HSPA12A: variants seen among roughly 807,000 people sequenced by gnomAD.
HSPA12A encodes the protein heat shock 70 kDa protein 12A.
A neutral mutation model predicts 69.2 loss-of-function variants in HSPA12A; 28 were observed. That is an observed-to-expected ratio of 0.40 (90% CI 0.30 to 0.55). The LOEUF is 0.55. Among genes scored for constraint, HSPA12A ranks in the 20% least tolerant of loss-of-function variants. HSPA12A has a pLI of 0.38. For synonymous variants in HSPA12A, 345 were observed against 370.5 expected (o/e 0.93, Z 0.79); for missense variants, 686 against 900.7 (o/e 0.76, Z 3.05).
chr10:116,738,685 A>G (rs1418378220), intron 1 of HSPA12A, among the ~76,000 whole-genome samples: 1 of 152,122 alleles, frequency 6.6e-6, no homozygotes, highest in Non-Finnish European at 1.5e-5. Flanking sequence ...AGGCTTTGGG[A>G]CCACACAGGC....
intron 2 of HSPA12A, chr10:116,832,052 G>A (rs1329765705): frequency 6.6e-6 from 1 of 152,294 alleles, no homozygotes; most frequent in Non-Finnish European, 1.5e-5. Context: ...GTAAACAACA[G>A]TGTACAGGAG....
chr10:116,843,944 T>C (rs1008090650), intron 1 of HSPA12A, among the ~76,000 whole-genome samples: 3 of 152,204 alleles, frequency 2.0e-5, no homozygotes, highest in Non-Finnish European at 4.4e-5. Context: ...CAGGTGATTC[T>C]AATGTGTGGC....
chr10:116,837,848 T>C (rs941299217), intron 1 of HSPA12A, among the ~76,000 whole-genome samples: 3 of 152,184 alleles, frequency 2.0e-5, no homozygotes, highest in Non-Finnish European at 4.4e-5. Flanking sequence ...CTAAGCCCAT[T>C]AAATAAACTG....
chr10:116,716,174 C>T (rs1354058013), intron 1 of HSPA12A, among the ~76,000 whole-genome samples: 1 of 151,898 alleles, frequency 6.6e-6, no homozygotes, highest in Non-Finnish European at 1.5e-5. Context: ...TATCCTCCAT[C>T]CCCTGCTGGG....
chr10:116,842,935 T>G (rs1845827109), intron 1 of HSPA12A, among the ~76,000 whole-genome samples: 1 of 152,216 alleles, frequency 6.6e-6, no homozygotes, highest in African/African-American at 2.4e-5. Flanking sequence ...TTCTCTTTAC[T>G]ATCTGAACTC....
rs1269420089 is a variant in HSPA12A, at chr10:116,676,386, G to A, written c.1390+13C>T. 2 of 1,606,514 alleles carry A rather than the reference G, an allele frequency of 1.2e-6. No homozygotes were observed. Among genetic ancestry groups the A allele is most frequent in the Non-Finnish European group, 1.7e-6 (2 of 1,173,942 alleles). On this transcript the variant is annotated intron_variant, in intron 11 of 11. Transcript: ENST00000369209. ...TCTGCCTCGCCGAGTGGCCGAGCCT[G>A]GCTGATACTTACGGAGATGCTCAAT... is the stretch of plus-strand genomic sequence containing the variant.
At chr10:116,811,579 TAAAAAA>T (rs60912684) in intron 2 of HSPA12A, among the ~76,000 whole-genome samples, 1 of 105,926 alleles carries the variant, frequency 9.4e-6, no homozygotes, top group African/African-American at 3.7e-5. Context: ...TTGCTTTTGT[TAAAAAA>T]AAAAAAAAAA....
chr10:116,743,937 T>C (rs1477835760), upstream of HSPA12A, among the ~76,000 whole-genome samples: 1 of 152,212 alleles, frequency 6.6e-6, no homozygotes, highest in Non-Finnish European at 1.5e-5. Context: ...ACCCACTTCA[T>C]AAAACTGAAG....
intron 1 of HSPA12A, among the ~76,000 whole-genome samples, chr10:116,712,403 C>T (rs770557445): frequency 6.6e-6 from 1 of 152,148 alleles, no homozygotes; most frequent in African/African-American, 2.4e-5. Flanking sequence ...TCTCCTGCCC[C>T]AGGATTTCTT....
At chr10:116,737,652 A>C (rs1851354710) in intron 1 of HSPA12A, among the ~76,000 whole-genome samples, 1 of 152,190 alleles carries the variant, frequency 6.6e-6, no homozygotes, top group African/African-American at 2.4e-5. Flanking sequence ...CACCCTAAAA[A>C]TAAGGGGACT....
chr10:116,679,889 T>C, intron 9 of HSPA12A, 128 bp from the exon 10 acceptor site: 5 of 881,948 alleles, frequency 5.7e-6, no homozygotes, highest in Non-Finnish European at 8.8e-6. Context: ...TATAAGTGTT[T>C]ACTTACACTT....
Position 116,752,658 on chromosome 10 carries a change from A to G in HSPA12A, c.92-45373T>C, listed in dbSNP as rs75692766. On this transcript the variant is annotated intron_variant, in intron 2 of 12. Coordinates refer to the HSPA12A transcript ENST00000635765. ...TCAGGGAGCAAAAGAGCAGGGTGCA[A>G]GGAGTGCAGTAGTTAAGGATGTGGG... Among the ~76,000 whole-genome samples the G allele has an allele frequency of 6.8e-3, 1,040 of 152,312 alleles. 11 individuals are homozygous for G. Among genetic ancestry groups the G allele is most frequent in the African/African-American group, 0.024 (987 of 41,552 alleles).
At chr10:116,728,127 G>A (rs782146650) in intron 1 of HSPA12A, among the ~76,000 whole-genome samples, 2 of 151,930 alleles carry the variant, frequency 1.3e-5, no homozygotes, top group African/African-American at 2.4e-5. Flanking sequence ...ATTTTTAGTA[G>A]AGACAGGACT....
At chr10:116,782,336 G>A (rs533162556) in intron 2 of HSPA12A, among the ~76,000 whole-genome samples, 11 of 152,336 alleles carry the variant, frequency 7.2e-5, no homozygotes, top group Middle Eastern at 6.8e-3. Context: ...CTGAAGATAC[G>A]TGAGCTTTGA....
intron 2 of HSPA12A, among the ~76,000 whole-genome samples, chr10:116,756,177 C>T (rs1165310255): frequency 6.6e-6 from 1 of 152,194 alleles, no homozygotes; most frequent in Non-Finnish European, 1.5e-5. Context: ...TAATCTTTTT[C>T]TGTCTCCCTC....
intron 2 of HSPA12A, among the ~76,000 whole-genome samples, chr10:116,797,031 TCCC>T (rs2133161666): frequency 6.6e-6 from 1 of 152,210 alleles, no homozygotes; most frequent in South Asian, 2.1e-4. Context: ...TCCAAAGAAA[TCCC>T]ACAGAAGTGA....
intron 1 of HSPA12A, among the ~76,000 whole-genome samples, chr10:116,742,177 C>A (rs1000083428): frequency 7.9e-5 from 12 of 151,944 alleles, no homozygotes; most frequent in Non-Finnish European, 1.3e-4. Flanking sequence ...TCAGCGGGGG[C>A]TGCAGTCCCC....
chr10:116,722,750 T>C (rs752330907), intron 1 of HSPA12A, among the ~76,000 whole-genome samples: 4 of 152,172 alleles, frequency 2.6e-5, no homozygotes, highest in Non-Finnish European at 4.4e-5. Flanking sequence ...TGGGATGATT[T>C]CAATTTAAAT....
At chr10:116,798,304 G>A (rs536097886) in intron 2 of HSPA12A, among the ~76,000 whole-genome samples, 58 of 152,270 alleles carry the variant, frequency 3.8e-4, no homozygotes, top group Non-Finnish European at 7.2e-4. Context: ...GGTTTGCCCA[G>A]GGTGGAGGGA....
Sources: allele counts gnomAD v4.1 joint callset (sites outside exome capture counted in the v4.1 genomes callset), GRCh38; gene constraint gnomAD v4.1.1; transcripts MANE v1.5; gene names NCBI Gene and HGNC (gene_info 2026-07-23, HGNC 2026-07-21).